The following NOX3 variants were observed in gnomAD, a reference collection of about 807,000 sequenced individuals.
The protein encoded by NOX3 is NADPH oxidase catalytic subunit-like 3.
Under a neutral mutation model 76.7 loss-of-function variants are expected in NOX3, and 74 were observed. The observed-to-expected ratio is 0.96, with a 90% CI of 0.80 to 1.17. NOX3 has a LOEUF of 1.17. Ranked by LOEUF, NOX3 falls within the 50% of genes most tolerant of loss-of-function variation. The pLI, the probability that NOX3 is intolerant of heterozygous loss-of-function variation, is 0.00. For synonymous variants in NOX3, 263 were observed against 261.1 expected (o/e 1.01, Z -0.07); for missense variants, 695 against 703.3 (o/e 0.99, Z 0.13).
intron 12 of NOX3, among the ~76,000 whole-genome samples, chr6:155,402,083 T>C (rs1230691294): frequency 1.3e-5 from 2 of 152,224 alleles, no homozygotes. Context: ...CTGTCTACCT[T>C]CTTGGAAATA....
At position 155,454,832 on chromosome 6, in the gene NOX3, T is replaced by C; in HGVS notation, c.234A>G (p.Ser78=). The part of the protein sequence containing the change: ...ILIPVSRNLI[S]FIRGTSICCR... Reference sequence around the variant, plus strand: ...TTACAATACTTGTTCCTCTTATGAATGAAATAAGGTTTCGACTGACAGGTA... The same window carrying C: ...TTACAATACTTGTTCCTCTTATGAACGAAATAAGGTTTCGACTGACAGGTA... Residue 78 remains serine (S), a synonymous_variant, in exon 3 of 14, where the codon TCA becomes TCG. Transcript: ENST00000159060. 2 of 1,591,432 alleles carry C rather than the reference T, an allele frequency of 1.3e-6. No individual in the cohort carries two copies. The highest frequency in any genetic ancestry group is 4.5e-5 in the East Asian group (2 of 44,646).
intron 7 of NOX3, among the ~76,000 whole-genome samples, chr6:155,435,882 A>G (rs1203040512): frequency 6.6e-6 from 1 of 152,258 alleles, no homozygotes; most frequent in Non-Finnish European, 1.5e-5. Flanking sequence ...TTCTTGGCTA[A>G]CATCATCATT....
At chr6:155,434,344 G>A (rs1277096018) in intron 7 of NOX3, among the ~76,000 whole-genome samples, 1 of 152,174 alleles carries the variant, frequency 6.6e-6, no homozygotes, top group Non-Finnish European at 1.5e-5. Flanking sequence ...GGCCTAGGAC[G>A]ACCAGGCATC....
intron 4 of NOX3, among the ~76,000 whole-genome samples, chr6:155,444,987 T>C (rs1777042740): frequency 6.6e-6 from 1 of 152,242 alleles, no homozygotes; most frequent in Admixed American, 6.5e-5. Context: ...TGGAGCTTTC[T>C]AATTCTGGGA....
intron 6 of NOX3, among the ~76,000 whole-genome samples, chr6:155,436,875 A>G (rs909693457): frequency 6.6e-6 from 1 of 152,198 alleles, no homozygotes; most frequent in Non-Finnish European, 1.5e-5. Context: ...ATTAGGTTTC[A>G]TCTTGTTCTG....
intron 13 of NOX3, among the ~76,000 whole-genome samples, chr6:155,396,204 A>G (rs1779136298): frequency 6.6e-6 from 1 of 152,198 alleles, no homozygotes; most frequent in Admixed American, 6.5e-5. Context: ...TTTGATTATC[A>G]TTTTCAAGTA....
intron 9 of NOX3, among the ~76,000 whole-genome samples, chr6:155,423,314 G>C (rs1232543488): frequency 1.3e-5 from 2 of 152,080 alleles, no homozygotes; most frequent in Non-Finnish European, 2.9e-5. Flanking sequence ...TTTACATTTG[G>C]TCACACATCT....
chr6:155,407,915 A>G (rs1433414279), intron 11 of NOX3, among the ~76,000 whole-genome samples: 1 of 152,212 alleles, frequency 6.6e-6, no homozygotes. Context: ...CTAGTGGTCA[A>G]TAAATGACAG....
intron 9 of NOX3, among the ~76,000 whole-genome samples, chr6:155,428,337 G>C (rs1284618301): frequency 6.6e-6 from 1 of 152,180 alleles, no homozygotes; most frequent in African/African-American, 2.4e-5. Context: ...ATGCTGGAGT[G>C]GTATGGGCCC....
At chr6:155,406,307 A>G (rs1456920363) in intron 12 of NOX3, among the ~76,000 whole-genome samples, 3 of 152,216 alleles carry the variant, frequency 2.0e-5, no homozygotes, top group Non-Finnish European at 2.9e-5. Flanking sequence ...ATATTTTTCA[A>G]TGGGGTGCGA....
intron 12 of NOX3, among the ~76,000 whole-genome samples, chr6:155,397,338 T>C (rs1304769770): frequency 6.6e-6 from 1 of 152,190 alleles, no homozygotes; most frequent in African/African-American, 2.4e-5. Context: ...TGGCCCCTTA[T>C]GGGAAGAGTT....
chr6:155,419,204 C>T (rs1371418076), intron 10 of NOX3, among the ~76,000 whole-genome samples: 6 of 152,200 alleles, frequency 3.9e-5, no homozygotes, highest in Admixed American at 6.5e-5. Context: ...CAAACCAACA[C>T]AAAGTTGCTT....
At chr6:155,428,713 A>T in intron 9 of NOX3, 81 bp downstream of exon 9, 2 of 1,286,038 alleles carry the variant, frequency 1.6e-6, no homozygotes, top group South Asian at 2.3e-5. Flanking sequence ...GATATTGCTG[A>T]ATCAGGTAGC....
intron 4 of NOX3, among the ~76,000 whole-genome samples, chr6:155,444,397 T>C (rs1240055862): frequency 6.6e-6 from 1 of 152,182 alleles, no homozygotes; most frequent in Non-Finnish European, 1.5e-5. Context: ...TGTCACGGTA[T>C]CCCAGTGTTT....
rs61041630 is a variant in NOX3, at chr6:155,431,413, A to AACACACACACACACACACAC, written c.799-498_799-479dup. On this transcript the variant is annotated intron_variant, in intron 7 of 13. Transcript: ENST00000159060. The stretch of plus-strand genomic sequence containing the variant: ...CAGGGTCTGCCTGAATAAACACAGA[A>AACACACACACACACACACAC]ACACACACACACACACACACACACA... Among the ~76,000 whole-genome samples the AACACACACACACACACACAC allele has an allele frequency of 2.0e-4, 29 of 144,728 alleles. No individual in the cohort carries two copies. In the East Asian group the frequency reaches 2.7e-3, roughly 14 times the overall value. The allele number at this position is 144,728 out of a possible 152,430, so 94.9% of individuals were successfully genotyped here.
At chr6:155,402,183 A>AGG (rs1779239723) in intron 12 of NOX3, among the ~76,000 whole-genome samples, 3 of 152,236 alleles carry the variant, frequency 2.0e-5, no homozygotes, top group Admixed American at 6.5e-5. Flanking sequence ...TTTTTGAAAA[A>AGG]GATACCTTTC....
intron 6 of NOX3, among the ~76,000 whole-genome samples, chr6:155,438,954 AAATGG>A (rs2114701666): frequency 6.6e-6 from 1 of 152,338 alleles, no homozygotes; most frequent in South Asian, 2.1e-4. Context: ...TTAATTCCTA[AAATGG>A]AAGACTTGTT....
At chr6:155,445,834 C>T (rs1010404266) in intron 4 of NOX3, among the ~76,000 whole-genome samples, 1 of 147,644 alleles carries the variant, frequency 6.8e-6, no homozygotes, top group Admixed American at 6.8e-5. Context: ...ATAAATACAA[C>T]CTTGTTGGAG....
chr6:155,449,247 G>T (rs1777104457), intron 4 of NOX3, among the ~76,000 whole-genome samples: 1 of 152,132 alleles, frequency 6.6e-6, no homozygotes, highest in Non-Finnish European at 1.5e-5. Context: ...ATCAGGAGCT[G>T]CACTCGGCTA....
Sources: allele counts gnomAD v4.1 joint callset (sites outside exome capture counted in the v4.1 genomes callset), GRCh38; gene constraint gnomAD v4.1.1; transcripts MANE v1.5; gene names NCBI Gene and HGNC (gene_info 2026-07-23, HGNC 2026-07-21).